Variants in PLAGL2 observed in about 807,000 individuals in gnomAD.
PLAGL2 encodes the protein zinc finger protein PLAGL2.
In PLAGL2, 7 loss-of-function variants were observed where a neutral mutation model predicts 29.0. The observed-to-expected ratio is 0.24, with a 90% CI of 0.14 to 0.45. The LOEUF (loss-of-function observed/expected upper bound fraction) is 0.45. Among genes scored for constraint, PLAGL2 ranks in the 20% least tolerant of loss-of-function variants. The pLI is 0.99. For missense variants in PLAGL2, 454 were observed against 648.2 expected (o/e 0.70, Z 3.25); for synonymous variants, 234 against 266.0 (o/e 0.88, Z 1.17).
chr20:32,198,258 T>TG (rs1158736133), intron 2 of PLAGL2, among the ~76,000 whole-genome samples: 2 of 152,256 alleles, frequency 1.3e-5, no homozygotes, highest in African/African-American at 4.8e-5. Flanking sequence ...TGGTACTTTT[T>TG]GAATTTTGAA....
rs1296758121 is a variant in PLAGL2 at position 32,202,291 on chromosome 20, A to C, written c.-113T>G. ...GCAGCTTTCAGAAAACAATCTCTTCACCTGAAACATCAGAACACCTGGTGT... is the reference window on the plus strand; with the variant it reads ...GCAGCTTTCAGAAAACAATCTCTTCCCCTGAAACATCAGAACACCTGGTGT... On this transcript the variant is annotated splice_region_variant and 5_prime_UTR_variant, in exon 2 of 3. Coordinates refer to ENST00000246229, the MANE Select transcript of PLAGL2 (RefSeq NM_002657.3). 3.8e-6 allele frequency: 4 copies of C among 1,053,550 alleles called. No individual in the cohort carries two copies. The highest frequency in any genetic ancestry group is 5.6e-6 in the Non-Finnish European group (4 of 717,672). 65.3% of individuals were successfully genotyped at this position (1,053,550 alleles called of 1,614,324 possible). A position where few individuals can be genotyped will look rare whatever the true frequency, so the allele number is the denominator to read the frequency against.
chr20:32,207,467 G>A (rs1371732031), intron 1 of PLAGL2, among the ~76,000 whole-genome samples, 174 bp downstream of exon 1: 1 of 152,164 alleles, frequency 6.6e-6, no homozygotes, highest in Non-Finnish European at 1.5e-5. Context: ...TCACCCCAGG[G>A]CCTATCTGGG....
Position 32,199,300 on chromosome 20 carries a change from G to A in PLAGL2, c.261-1618C>T, listed in dbSNP as rs545518753. ...CACATATGCATGCTCAAGAGTGCTC[G>A]TGCCTATGTGGGTTACTGTCAACCT... On this transcript the variant is annotated intron_variant, in intron 2 of 2. Coordinates refer to ENST00000246229, the MANE Select transcript of PLAGL2 (RefSeq NM_002657.3). Among the ~76,000 whole-genome samples the A allele has an allele frequency of 9.9e-5, 15 of 152,280 alleles. No individual in the cohort carries two copies. In the East Asian group the frequency reaches 1.4e-3, roughly 14 times the overall value.
rs775683434 is a variant in PLAGL2, at chr20:32,202,226, C to A, written c.-48G>T. ...CATGTTATTGAGAAAGCCTCCCCAT[C>A]CGCTCCACACAGGCTCTCAGCTCTG... On this transcript the variant is annotated 5_prime_UTR_variant, in exon 2 of 3. Transcript: ENST00000246229. The A allele has an allele frequency of 1.3e-6, 2 of 1,594,472 alleles. No homozygotes were observed. Among genetic ancestry groups the A allele is most frequent in the Non-Finnish European group, 8.6e-7 (1 of 1,165,648 alleles).
intron 2 of PLAGL2, among the ~76,000 whole-genome samples, chr20:32,200,569 G>A (rs1266550197): frequency 6.6e-6 from 1 of 151,636 alleles, no homozygotes; most frequent in East Asian, 2.0e-4. Context: ...TTCCTCTAAT[G>A]CGAAAAGGAT....
rs2047208407 is a variant in PLAGL2, at chr20:32,192,918, A to C, written c.*3534T>G. 1 of 152,496 alleles carries C rather than the reference A, an allele frequency of 6.6e-6. No homozygotes were observed. The highest frequency in any genetic ancestry group is 2.1e-4 in the South Asian group (1 of 4,832). The allele number at this position is 152,496 out of a possible 1,614,324, so 9.4% of individuals were successfully genotyped here. ...AGAAATCGGACTGGAATTTTTCCAAACCCCTCTATGGAGGCACTAGGTTAT... is the reference window on the plus strand; with the variant it reads ...AGAAATCGGACTGGAATTTTTCCAACCCCCTCTATGGAGGCACTAGGTTAT... On this transcript the variant is annotated 3_prime_UTR_variant, in exon 3 of 3. Coordinates refer to ENST00000246229, the MANE Select transcript of PLAGL2 (RefSeq NM_002657.3).
chr20:32,196,829 G>A lies in PLAGL2; in HGVS notation c.1114C>T (p.Leu372Phe). The change falls in exon 3 of 3, where the codon CTC becomes TTC. Residue 372 changes from leucine (L) to phenylalanine (F), a missense_variant. Transcript: ENST00000246229. ...GCGGGCTGGGGTTCAGCGGATGAGA[G>A]AGACAGGCTTCCAGGAAGCTCCGCC... ...FLAELPGSLS[L>F]SSAEPQPASP... 1 of 1,613,904 alleles carries A rather than the reference G, an allele frequency of 6.2e-7. No homozygotes were observed.
At chr20:32,207,279 G>C (rs2047294036) in intron 1 of PLAGL2, among the ~76,000 whole-genome samples, 1 of 152,146 alleles carries the variant, frequency 6.6e-6, no homozygotes, top group African/African-American at 2.4e-5. Flanking sequence ...CAGCTTATCT[G>C]CGTCCCCCAG....
Position 32,196,550 on chromosome 20 carries a change from C to T in PLAGL2, c.1393G>A (p.Gly465Arg). The change falls in exon 3 of 3, where the codon GGA (glycine) becomes AGA (arginine). Residue 465 changes from glycine (G) to arginine (R), a missense_variant. Gly to Arg is a moderately radical substitution (Grantham distance 125, BLOSUM62 -2). Around this residue, in one of 4 missense-constraint regions of PLAGL2, gnomAD observed 247 missense variants for 350.3 expected, o/e 0.71. Transcript: ENST00000246229. ...AQPQDSPGAG[G>R]PLNFGPLHSL... ...TGCAGAGGCCCAAAGTTCAGTGGTCCCCCAGCTCCTGGGGAATCTTGAGGC... is the reference window on the plus strand; with the variant it reads ...TGCAGAGGCCCAAAGTTCAGTGGTCTCCCAGCTCCTGGGGAATCTTGAGGC... 4.5e-6 allele frequency: 7 copies of T among 1,542,260 alleles called. No individual in the cohort carries two copies. The highest frequency in any genetic ancestry group is 6.1e-6 in the Non-Finnish European group (7 of 1,149,398).
intron 1 of PLAGL2, among the ~76,000 whole-genome samples, chr20:32,202,877 A>T (rs973255342): frequency 2.0e-5 from 3 of 152,208 alleles, no homozygotes; most frequent in Non-Finnish European, 4.4e-5. Flanking sequence ...CATCAACATC[A>T]GGAGGGTCTA....
intron 1 of PLAGL2, among the ~76,000 whole-genome samples, chr20:32,202,530 G>A (rs539878476): frequency 1.9e-4 from 29 of 152,242 alleles, no homozygotes; most frequent in Non-Finnish European, 4.0e-4. Flanking sequence ...TCAGCAGAAG[G>A]CTGGGCATCC....
chr20:32,197,252 T>C lies in PLAGL2; in HGVS notation c.691A>G (p.Lys231Glu). ...CQYCAQRFGR[K>E]DHLTRHVKKS... ...TTGACATGACGCGTCAGGTGGTCCT[T>C]ACGGCCAAACCGCTGGGCACAGTAC... is the stretch of plus-strand genomic sequence containing the variant. Residue 231 changes from lysine to glutamate, a missense_variant, in exon 3 of 3, where the codon AAG (lysine) becomes GAG (glutamate). Transcript: ENST00000246229. This position sits in a 1 kb window ranked among gnomAD's most constrained non-coding sequence, Gnocchi z 6.6. The C allele has an allele frequency of 6.2e-7, 1 of 1,613,986 alleles. No homozygotes were observed. The highest frequency in any genetic ancestry group is 8.5e-7 in the Non-Finnish European group (1 of 1,179,938).
rs752132220 is a variant in PLAGL2, at chr20:32,196,810, T to A, written c.1133A>T (p.Gln378Leu). The A allele has an allele frequency of 1.9e-6, 3 of 1,613,024 alleles. No homozygotes were observed. In the African/African-American group the frequency reaches 4.0e-5, roughly 22 times the overall value. Residue 378 changes from glutamine (Q) to leucine (L), a missense_variant, in exon 3 of 3, where the codon CAG becomes CTG. Physicochemically the swap from Gln to Leu is moderately radical, Grantham distance 113. Around this residue, in one of 4 missense-constraint regions of PLAGL2, gnomAD observed 247 missense variants for 350.3 expected, o/e 0.71. Coordinates refer to ENST00000246229, the MANE Select transcript of PLAGL2 (RefSeq NM_002657.3). ...GSLSLSSAEP[Q>L]PASPQPAAAA... ...TGCCGCCGGCTGAGGTGAGGCGGGC[T>A]GGGGTTCAGCGGATGAGAGAGACAG...
chr20:32,203,856 G>A (rs531936403), intron 1 of PLAGL2, among the ~76,000 whole-genome samples: 1 of 152,256 alleles, frequency 6.6e-6, no homozygotes, highest in Non-Finnish European at 1.5e-5. Flanking sequence ...TCCCCATCAC[G>A]AGTGTAGATT....
At chr20:32,199,134 T>A (rs2047245638) in intron 2 of PLAGL2, among the ~76,000 whole-genome samples, 1 of 152,162 alleles carries the variant, frequency 6.6e-6, no homozygotes, top group East Asian at 1.9e-4. Context: ...GGCAGCCCCC[T>A]CACCCTAGCA....
At chr20:32,199,772 T>C (rs1237975966) in intron 2 of PLAGL2, among the ~76,000 whole-genome samples, 2 of 151,812 alleles carry the variant, frequency 1.3e-5, no homozygotes, top group East Asian at 1.9e-4. Flanking sequence ...CCCAGGAGTT[T>C]GAGGCTGCAG....
intron 1 of PLAGL2, among the ~76,000 whole-genome samples, chr20:32,205,972 T>C (rs2047284405): frequency 6.6e-6 from 1 of 152,102 alleles, no homozygotes; most frequent in Non-Finnish European, 1.5e-5. Context: ...TACCCTAAAA[T>C]AGCTTTTATC....
chr20:32,207,495 CG>C (rs2047295667), intron 1 of PLAGL2, 145 bp downstream of exon 1: 1 of 152,368 alleles, frequency 6.6e-6, no homozygotes, highest in Non-Finnish European at 1.5e-5. Flanking sequence ...TGGCGCAGAC[CG>C]GGCCCCGGGT....
At chr20:32,202,500 A>C (rs929000509) in intron 1 of PLAGL2, among the ~76,000 whole-genome samples, 25 of 152,042 alleles carry the variant, frequency 1.6e-4, no homozygotes, top group Non-Finnish European at 3.5e-4. Context: ...GGATTAAATG[A>C]GATCATGAAT....
Sources: allele counts gnomAD v4.1 joint callset (sites outside exome capture counted in the v4.1 genomes callset), GRCh38; gene constraint gnomAD v4.1.1; regional missense constraint gnomAD v4.1.1; non-coding constraint Gnocchi (gnomAD v3.1); transcripts MANE v1.5; gene names NCBI Gene and HGNC (gene_info 2026-07-23, HGNC 2026-07-21).